Variants in KCNH8 observed in about 807,000 individuals in gnomAD.
KCNH8 encodes the protein potassium voltage-gated channel subfamily H member 8.
In KCNH8, 70 loss-of-function variants were observed where a neutral mutation model predicts 103.6. The observed-to-expected ratio is 0.68, with a 90% CI of 0.56 to 0.82. The LOEUF (loss-of-function observed/expected upper bound fraction) is 0.82, where lower values mean the gene tolerates loss of function less well. Among genes scored for constraint, KCNH8 ranks in the 40% least tolerant of loss-of-function variants. The probability of loss-of-function intolerance (pLI) is 0.00; values close to 1 mark genes in which losing one functional copy is unlikely to be tolerated. For synonymous variants in KCNH8, 498 were observed against 489.4 expected, an observed-to-expected ratio of 1.02 and a Z score of -0.23; for missense variants, 1,217 against 1,329.9, an observed-to-expected ratio of 0.92 and a Z score of 1.32.
intron 4 of KCNH8, among the ~76,000 whole-genome samples, chr3:19,342,922 T>C (rs757094958): frequency 5.3e-5 from 8 of 152,222 alleles, no homozygotes; most frequent in Non-Finnish European, 7.4e-5. Context: ...CATAGTGTTA[T>C]CACAGCATAG....
At chr3:19,230,369 TTGG>T (rs2063980315) in intron 1 of KCNH8, among the ~76,000 whole-genome samples, 1 of 152,210 alleles carries the variant, frequency 6.6e-6, no homozygotes, top group African/African-American at 2.4e-5. Flanking sequence ...CACTCACTTT[TTGG>T]TGGTTATCTA....
intron 1 of KCNH8, among the ~76,000 whole-genome samples, chr3:19,185,087 A>G (rs2063489741): frequency 2.0e-5 from 3 of 150,572 alleles, no homozygotes; most frequent in Admixed American, 2.0e-4. Context: ...ACTGCTATGA[A>G]CATTTTTTGT....
chr3:19,296,720 A>AAAAG (rs1398658729), intron 3 of KCNH8, among the ~76,000 whole-genome samples: 1 of 152,192 alleles, frequency 6.6e-6, no homozygotes, highest in Non-Finnish European at 1.5e-5. Flanking sequence ...AGTGAGGGAT[A>AAAAG]AAAGACTACA....
At position 19,534,106 on chromosome 3, in the gene KCNH8, T is replaced by C; in HGVS notation, c.*7T>C. 1 of 1,591,482 alleles carries C rather than the reference T, an allele frequency of 6.3e-7. No individual in the cohort carries two copies. Among genetic ancestry groups the C allele is most frequent in the Non-Finnish European group, 8.6e-7 (1 of 1,161,596 alleles). ...CAAAGCCATAAATGTATGATATTAG[T>C]GCCCATGATGCAGCAGCTAATTTCA... On this transcript the variant is annotated 3_prime_UTR_variant, in exon 16 of 16. Coordinates refer to ENST00000328405, the MANE Select transcript of KCNH8 (RefSeq NM_144633.3).
intron 7 of KCNH8, among the ~76,000 whole-genome samples, chr3:19,429,785 C>T (rs1161517724): frequency 6.6e-6 from 1 of 151,744 alleles, no homozygotes; most frequent in African/African-American, 2.4e-5. Flanking sequence ...CATGTGTTCT[C>T]ATCATTTAGC....
intron 5 of KCNH8, among the ~76,000 whole-genome samples, chr3:19,355,781 TA>T (rs1342503595): frequency 6.6e-6 from 1 of 151,902 alleles, no homozygotes; most frequent in East Asian, 1.9e-4. Flanking sequence ...ATACCTAATG[TA>T]AATGATGAGT....
intron 2 of KCNH8, among the ~76,000 whole-genome samples, chr3:19,259,669 A>C (rs2064401959): frequency 1.3e-5 from 2 of 151,782 alleles, no homozygotes; most frequent in Admixed American, 6.6e-5. Context: ...TAAATGCCCC[A>C]AAAAGCCCAA....
At chr3:19,206,254 G>GAT (rs148573992) in intron 1 of KCNH8, among the ~76,000 whole-genome samples, 2,935 of 130,016 alleles carry the variant, frequency 0.023, 132 homozygotes, top group African/African-American at 0.11. Context: ...GATATATATA[G>GAT]ATATATATAT....
chr3:19,356,365 T>C (rs1157862614), intron 5 of KCNH8, among the ~76,000 whole-genome samples: 2 of 151,974 alleles, frequency 1.3e-5, no homozygotes, highest in African/African-American at 4.8e-5. Flanking sequence ...TTTGGGGAGA[T>C]AGACTCAAAA....
In KCNH8 at chr3:19,533,559, G is replaced by C. The variant is rs745629204; in HGVS notation, c.2784G>C (p.Trp928Cys). ...AGAGCTTACAGACCAGAACGAGCTGGAGTGCACACCAGCCTTGCCTACACT... is the reference window on the plus strand; with the variant it reads ...AGAGCTTACAGACCAGAACGAGCTGCAGTGCACACCAGCCTTGCCTACACT... ...SRESLQTRTSWSAHQPCLHLQ... is the reference protein window; with the variant it reads ...SRESLQTRTSCSAHQPCLHLQ... The change falls in exon 16 of 16, where the codon TGG becomes TGC. Residue 928 changes from tryptophan to cysteine, a missense_variant. This residue lies in a region of KCNH8 where 558 missense variants were observed against 495.8 expected (regional missense o/e 1.13). Coordinates refer to ENST00000328405, the MANE Select transcript of KCNH8 (RefSeq NM_144633.3). 1.9e-6 allele frequency: 3 copies of C among 1,614,146 alleles called. No homozygotes were observed. The highest frequency in any genetic ancestry group is 2.5e-6 in the Non-Finnish European group (3 of 1,180,028).
At chr3:19,334,931 T>A (rs1388758429) in intron 3 of KCNH8, among the ~76,000 whole-genome samples, 1 of 152,014 alleles carries the variant, frequency 6.6e-6, no homozygotes, top group Non-Finnish European at 1.5e-5. Context: ...GCAATAAAAA[T>A]TTGGAAGGAA....
intron 2 of KCNH8, among the ~76,000 whole-genome samples, chr3:19,259,674 G>T (rs929211750): frequency 6.6e-6 from 1 of 151,346 alleles, no homozygotes; most frequent in Non-Finnish European, 1.5e-5. Flanking sequence ...GCCCCAAAAA[G>T]CCCAATTCTT....
chr3:19,311,636 G>C (rs2065209626), intron 3 of KCNH8, among the ~76,000 whole-genome samples: 1 of 151,696 alleles, frequency 6.6e-6, no homozygotes, highest in Non-Finnish European at 1.5e-5. Context: ...CTGTAGTTTT[G>C]GTGGAGGGCA....
At chr3:19,230,127 C>A (rs1257075374) in intron 1 of KCNH8, among the ~76,000 whole-genome samples, 3 of 152,156 alleles carry the variant, frequency 2.0e-5, no homozygotes, top group Admixed American at 6.5e-5. Context: ...GACTTATTCA[C>A]TATCACAATA....
intron 1 of KCNH8, among the ~76,000 whole-genome samples, chr3:19,185,583 A>G (rs1476450094): frequency 6.6e-6 from 1 of 151,830 alleles, no homozygotes; most frequent in African/African-American, 2.4e-5. Flanking sequence ...GTGGGACTTG[A>G]TTTTCATGTG....
chr3:19,308,831 C>G (rs1163689513), intron 3 of KCNH8, among the ~76,000 whole-genome samples: 1 of 146,552 alleles, frequency 6.8e-6, no homozygotes, highest in Non-Finnish European at 1.5e-5. Context: ...TCTCTCCCCT[C>G]CTCCTTCTCC....
At chr3:19,251,399 G>C (rs1043070123) in intron 1 of KCNH8, among the ~76,000 whole-genome samples, 1 of 152,072 alleles carries the variant, frequency 6.6e-6, no homozygotes, top group East Asian at 1.9e-4. Flanking sequence ...TTCAGAGGGG[G>C]AGAGTGGCTG....
intron 1 of KCNH8, among the ~76,000 whole-genome samples, chr3:19,193,356 C>T (rs1236182695): frequency 6.6e-6 from 1 of 151,548 alleles, no homozygotes; most frequent in Admixed American, 6.6e-5. Flanking sequence ...ACTAATATTT[C>T]CTTGTCTTTC....
rs2067230029 is a variant in KCNH8 at position 19,438,249 on chromosome 3, T to C, written c.1263T>C (p.Tyr421=). The change falls in exon 8 of 16, where the codon TAT becomes TAC. Residue 421 remains tyrosine, a synonymous_variant. Transcript: ENST00000328405. ...GGGGCCCGTCGATCCGAAGTGCCTA[T>C]ATTGCCGCTCTGTACTTCACGCTGA... is the stretch of plus-strand genomic sequence containing the variant. The part of the protein sequence containing the change: ...TLGGPSIRSA[Y]IAALYFTLSS... 5 of 1,614,134 alleles carry C rather than the reference T, an allele frequency of 3.1e-6. No homozygotes were observed. The highest frequency in any genetic ancestry group is 4.2e-6 in the Non-Finnish European group (5 of 1,180,006).
Sources: allele counts gnomAD v4.1 joint callset (sites outside exome capture counted in the v4.1 genomes callset), GRCh38; gene constraint gnomAD v4.1.1; regional missense constraint gnomAD v4.1.1; transcripts MANE v1.5; gene names NCBI Gene and HGNC (gene_info 2026-07-23, HGNC 2026-07-21).